The following NXPE3 variants were observed in gnomAD, a reference collection of about 807,000 sequenced individuals.
NXPE3 encodes neurexophilin and PC-esterase domain family member 3, also known as NXPE family member 3.
NXPE3 carries 26 observed loss-of-function variants against 46.1 expected under a neutral mutation model. The observed-to-expected ratio is 0.56, with a 90% CI of 0.41 to 0.78. NXPE3 has a LOEUF of 0.78. Ranked by LOEUF, NXPE3 falls within the 30% of genes least tolerant of loss-of-function variation. NXPE3 has a pLI of 0.00. For missense variants in NXPE3, 620 were observed against 686.0 expected (o/e 0.90, Z 1.07); for synonymous variants, 272 against 257.9 (o/e 1.05, Z -0.52).
chr3:101,792,142 C>T (rs1463680879), intron 4 of NXPE3, among the ~76,000 whole-genome samples: 1 of 152,078 alleles, frequency 6.6e-6, no homozygotes, highest in East Asian at 1.9e-4. Flanking sequence ...GTTTCAGTTC[C>T]TCATAGACAC....
intron 6 of NXPE3, among the ~76,000 whole-genome samples, chr3:101,812,570 T>C (rs1166982073): frequency 6.6e-6 from 1 of 151,834 alleles, no homozygotes; most frequent in Non-Finnish European, 1.5e-5. Flanking sequence ...TCCCAGGACT[T>C]TGGGAGGCCG....
chr3:101,789,821 A>AC (rs1940400233), intron 4 of NXPE3, among the ~76,000 whole-genome samples: 1 of 151,880 alleles, frequency 6.6e-6, no homozygotes, highest in African/African-American at 2.4e-5. Context: ...CTCCCAAGTA[A>AC]CTGGGACTAC....
chr3:101,812,124 T>A (rs920724667), intron 6 of NXPE3, among the ~76,000 whole-genome samples: 4 of 152,192 alleles, frequency 2.6e-5, no homozygotes, highest in African/African-American at 9.6e-5. Flanking sequence ...ACGAAACTAG[T>A]CATTTTGTGG....
chr3:101,817,000 A>G lies in NXPE3; in HGVS notation c.1128A>G (p.Pro376=), dbSNP rs780073206. ...TTGAATACCTTACTACATTTGTTCC[A>G]GGTTGGTACTGTGCCTTTTGTTTCG... The part of the protein sequence containing the change: ...QWFEYLTTFV[P]DLVEFNLGSP... Residue 376 remains proline (P), a splice_region_variant and synonymous_variant, in exon 7 of 8, where the codon CCA becomes CCG. Transcript: ENST00000273347. 6 of 1,613,728 alleles carry G rather than the reference A, an allele frequency of 3.7e-6. No individual in the cohort carries two copies. Among genetic ancestry groups the G allele is most frequent in the Admixed American group, 1.7e-5 (1 of 60,010 alleles).
At chr3:101,789,597 A>G (rs1183960205) in intron 4 of NXPE3, among the ~76,000 whole-genome samples, 1 of 152,194 alleles carries the variant, frequency 6.6e-6, no homozygotes, top group African/African-American at 2.4e-5. Context: ...ATACTGCTCT[A>G]ATGTATACCA....
At chr3:101,807,265 G>C (rs1313070680) in intron 6 of NXPE3, 139 bp downstream of exon 6, 3 of 627,826 alleles carry the variant, frequency 4.8e-6, no homozygotes, top group Non-Finnish European at 8.5e-6. Context: ...AGTACTGTTT[G>C]ATTAAAAAAA....
At chr3:101,795,408 C>T (rs1940770147) in intron 4 of NXPE3, among the ~76,000 whole-genome samples, 1 of 151,710 alleles carries the variant, frequency 6.6e-6, no homozygotes, top group Non-Finnish European at 1.5e-5. Context: ...ATCCTAGCTA[C>T]TCGGGAGGCT....
intron 4 of NXPE3, among the ~76,000 whole-genome samples, chr3:101,788,532 C>G (rs1414221281): frequency 6.6e-6 from 1 of 152,124 alleles, no homozygotes; most frequent in Non-Finnish European, 1.5e-5. Flanking sequence ...GGTCTTTGAT[C>G]TACTTTGTTA....
intron 4 of NXPE3, among the ~76,000 whole-genome samples, 177 bp from the exon 5 acceptor site, chr3:101,801,058 C>T (rs1048863838): frequency 6.6e-6 from 1 of 152,130 alleles, no homozygotes; most frequent in Admixed American, 6.5e-5. Flanking sequence ...AAAATGGGTC[C>T]TTTTCCCTTT....
Position 101,822,254 on chromosome 3 carries a change from G to A in NXPE3, c.*300G>A, listed in dbSNP as rs1402975822. ...GTATTTGAATTAGCTTCTCCTAGGA[G>A]GGGTGACTACTTTGCTAAAGAGTAT... On this transcript the variant is annotated 3_prime_UTR_variant, in exon 8 of 8. Coordinates refer to ENST00000273347, the MANE Select transcript of NXPE3 (RefSeq NM_145037.4). 6.5e-6 allele frequency: 2 copies of A among 309,114 alleles called. No homozygotes were observed. The highest frequency in any genetic ancestry group is 2.1e-5 in the African/African-American group (1 of 48,082). The allele number at this position is 309,114 out of a possible 1,614,324, so 19.1% of individuals were successfully genotyped here.
intron 6 of NXPE3, among the ~76,000 whole-genome samples, chr3:101,816,172 A>T (rs1941960877): frequency 6.6e-6 from 1 of 152,186 alleles, no homozygotes; most frequent in Admixed American, 6.5e-5. Context: ...CTCAAAAAAA[A>T]TGTAAGCAGA....
intron 6 of NXPE3, among the ~76,000 whole-genome samples, chr3:101,808,532 A>G (rs1941535599): frequency 6.6e-6 from 1 of 152,094 alleles, no homozygotes; most frequent in South Asian, 2.1e-4. Context: ...TACCATGTAG[A>G]AACAAACCCT....
At chr3:101,787,425 G>A (rs1940256181) in intron 4 of NXPE3, among the ~76,000 whole-genome samples, 1 of 152,132 alleles carries the variant, frequency 6.6e-6, no homozygotes, top group African/African-American at 2.4e-5. Context: ...TCATGCCTCA[G>A]CCTTCTGAGT....
At chr3:101,785,354 C>G (rs1436010433) in intron 3 of NXPE3, 48 bp from the exon 4 acceptor site, 1 of 464,030 alleles carries the variant, frequency 2.2e-6, no homozygotes, top group Non-Finnish European at 4.0e-6. Context: ...CTCACCCCAC[C>G]CTAGGCCATT....
At chr3:101,802,128 A>T (rs1436097616) in intron 5 of NXPE3, 139 bp downstream of exon 5, 69 of 509,210 alleles carry the variant, frequency 1.4e-4, no homozygotes, top group Non-Finnish European at 2.1e-4. Context: ...GGTAGTGAAT[A>T]AAAAAAAAAA....
At chr3:101,786,620 G>T (rs949632198) in intron 4 of NXPE3, among the ~76,000 whole-genome samples, 1 of 152,174 alleles carries the variant, frequency 6.6e-6, no homozygotes, top group African/African-American at 2.4e-5. Flanking sequence ...AGGCATAAAA[G>T]CTAAGTATTT....
intron 4 of NXPE3, among the ~76,000 whole-genome samples, chr3:101,789,879 T>TG (rs1429407867): frequency 6.6e-6 from 1 of 152,120 alleles, no homozygotes. Flanking sequence ...TTTGCAGAGA[T>TG]GGGGTCTCAC....
intron 5 of NXPE3, 78 bp downstream of exon 5, chr3:101,802,067 T>C (rs1576755722): frequency 1.4e-6 from 2 of 1,390,618 alleles, no homozygotes; most frequent in East Asian, 4.6e-5. Context: ...GACTTTCTGG[T>C]ATTCGGTATG....
At chr3:101,814,144 A>G (rs1941859455) in intron 6 of NXPE3, among the ~76,000 whole-genome samples, 1 of 152,230 alleles carries the variant, frequency 6.6e-6, no homozygotes, top group Non-Finnish European at 1.5e-5. Flanking sequence ...CCGAATTAAC[A>G]GTGGTAAAAA....
Sources: gnomAD v4.1 joint callset for allele counts (sites outside exome capture counted in the v4.1 genomes callset) on GRCh38, gnomAD v4.1.1 for gene constraint, MANE v1.5 for transcripts, NCBI Gene and HGNC (gene_info 2026-07-23, HGNC 2026-07-21) for gene names.